Variants in CEMIP observed in about 807,000 individuals in gnomAD.
CEMIP encodes the protein cell migration-inducing and hyaluronan-binding protein.
Under a neutral mutation model 156.9 loss-of-function variants are expected in CEMIP, and 105 were observed. That is an observed-to-expected ratio of 0.67 (90% confidence interval 0.57 to 0.79). The LOEUF is 0.79. Ranked by LOEUF, CEMIP falls within the 30% of genes least tolerant of loss-of-function variation. The probability of loss-of-function intolerance (pLI) is 0.00; values close to 1 mark genes in which losing one functional copy is unlikely to be tolerated. For synonymous variants in CEMIP, 676 were observed against 668.4 expected, an observed-to-expected ratio of 1.01 and a Z score of -0.17; for missense variants, 1,457 against 1,769.4, an observed-to-expected ratio of 0.82 and a Z score of 3.17.
intron 1 of CEMIP, among the ~76,000 whole-genome samples, chr15:80,867,920 A>G (rs980306480): frequency 3.9e-5 from 6 of 152,158 alleles, no homozygotes; most frequent in African/African-American, 1.4e-4. Flanking sequence ...AGAGGAGGAC[A>G]GGGCTCTTAC....
At chr15:80,926,882 G>A (rs1263638297) in intron 19 of CEMIP, among the ~76,000 whole-genome samples, 2 of 148,992 alleles carry the variant, frequency 1.3e-5, no homozygotes, top group African/African-American at 2.5e-5. Context: ...CCAGGCTGGA[G>A]TGCAGTGGTG....
At chr15:80,834,462 C>A (rs1273034815) in intron 1 of CEMIP, among the ~76,000 whole-genome samples, 1 of 152,182 alleles carries the variant, frequency 6.6e-6, no homozygotes, top group East Asian at 1.9e-4. Flanking sequence ...TTTTGCATGG[C>A]CAAAAGTAGA....
At chr15:80,898,019 C>T (rs946628522) in intron 12 of CEMIP, among the ~76,000 whole-genome samples, 1 of 152,238 alleles carries the variant, frequency 6.6e-6, no homozygotes, top group African/African-American at 2.4e-5. Context: ...ATGTGAGCAG[C>T]AATGCTGGGA....
chr15:80,783,818 G>A (rs1055491997), intron 1 of CEMIP, among the ~76,000 whole-genome samples: 1 of 152,300 alleles, frequency 6.6e-6, no homozygotes, highest in East Asian at 1.9e-4. Flanking sequence ...TCTTCAGAAC[G>A]GAGGCTGCTT....
At chr15:80,810,104 G>T (rs1294274700) in intron 1 of CEMIP, among the ~76,000 whole-genome samples, 2 of 151,188 alleles carry the variant, frequency 1.3e-5, no homozygotes, top group Non-Finnish European at 2.9e-5. Context: ...GGGAATCTTG[G>T]TGGGGGGATC....
intron 29 of CEMIP, chr15:80,947,360 T>A: frequency 2.5e-6 from 1 of 400,788 alleles, no homozygotes; most frequent in South Asian, 2.5e-5. Flanking sequence ...TCAACAAAAG[T>A]ATCATAAGAA....
intron 18 of CEMIP, among the ~76,000 whole-genome samples, 185 bp downstream of exon 18, chr15:80,924,891 C>A (rs1900602612): frequency 6.6e-6 from 1 of 152,216 alleles, no homozygotes; most frequent in African/African-American, 2.4e-5. Context: ...AATTAGGATT[C>A]TGGCTCCAGC....
chr15:80,922,910 G>A (rs747123880), intron 17 of CEMIP, among the ~76,000 whole-genome samples: 12 of 152,168 alleles, frequency 7.9e-5, no homozygotes, highest in South Asian at 2.1e-4. Flanking sequence ...ATGCCAGGGC[G>A]GTGCGCAGAC....
chr15:80,908,774 G>C (rs1034238092), intron 13 of CEMIP, among the ~76,000 whole-genome samples: 1 of 152,132 alleles, frequency 6.6e-6, no homozygotes, highest in Non-Finnish European at 1.5e-5. Flanking sequence ...GTTATCCCTT[G>C]CTCATAACAC....
chr15:80,898,018 G>A (rs547886718), intron 12 of CEMIP, among the ~76,000 whole-genome samples: 53 of 152,368 alleles, frequency 3.5e-4, no homozygotes, highest in African/African-American at 1.2e-3. Flanking sequence ...AATGTGAGCA[G>A]CAATGCTGGG....
At chr15:80,948,735 C>T (rs1210877478) in intron 29 of CEMIP, 62 bp from the exon 30 acceptor site, 14 of 1,609,978 alleles carry the variant, frequency 8.7e-6, no homozygotes, top group South Asian at 1.1e-5. Flanking sequence ...AGCCATGGAA[C>T]GGGGTGGGGC....
chr15:80,811,849 A>G (rs1896679195), intron 1 of CEMIP, among the ~76,000 whole-genome samples: 1 of 152,068 alleles, frequency 6.6e-6, no homozygotes, highest in African/African-American at 2.4e-5. Flanking sequence ...GAGCTACCAC[A>G]CCCAGCCCAT....
Position 80,947,008 on chromosome 15 carries a change from G to A in CEMIP, c.3901G>A (p.Gly1301Ser), listed in dbSNP as rs775476896. The A allele has an allele frequency of 2.0e-5, 33 of 1,613,970 alleles. No homozygotes were observed. The highest frequency in any genetic ancestry group is 8.0e-5 in the African/African-American group (6 of 74,918). The change falls in exon 29 of 30, where the codon GGC becomes AGC. Residue 1301 changes from glycine to serine, a missense_variant. Gly to Ser is a moderately conservative substitution (Grantham distance 56). This residue lies in a region of CEMIP where 798 missense variants were observed against 980.1 expected (regional missense o/e 0.81). Coordinates refer to ENST00000394685, the MANE Select transcript of CEMIP (RefSeq NM_001293298.2). ...ATCAAAGGGAAGATACGTCTCCAGAGGCCCATGGACCAGAGTGCTGGAAAA... is the reference window on the plus strand; with the variant it reads ...ATCAAAGGGAAGATACGTCTCCAGAAGCCCATGGACCAGAGTGCTGGAAAA... ...MASKGRYVSR[G>S]PWTRVLEKLG...
intron 1 of CEMIP, among the ~76,000 whole-genome samples, chr15:80,860,683 C>T (rs1897962816): frequency 6.6e-6 from 1 of 152,190 alleles, no homozygotes; most frequent in Admixed American, 6.5e-5. Context: ...CTGCCTCAAG[C>T]ACTATGCATG....
chr15:80,926,480 CAAGTA>C (rs1212874741), intron 19 of CEMIP, among the ~76,000 whole-genome samples: 3 of 151,810 alleles, frequency 2.0e-5, no homozygotes, highest in Non-Finnish European at 4.4e-5. Context: ...TTATTGTGAC[CAAGTA>C]AAGGAGAAAT....
chr15:80,835,713 G>A (rs769965432), intron 1 of CEMIP, among the ~76,000 whole-genome samples: 2 of 152,176 alleles, frequency 1.3e-5, no homozygotes, highest in Admixed American at 6.5e-5. Flanking sequence ...AGGGTTGGTG[G>A]GCACCTGGGA....
At chr15:80,852,708 C>A (rs1357098069) in intron 1 of CEMIP, among the ~76,000 whole-genome samples, 2 of 152,118 alleles carry the variant, frequency 1.3e-5, no homozygotes, top group South Asian at 4.2e-4. Context: ...CTCCCTTTTC[C>A]TCTTTTATGC....
intron 1 of CEMIP, among the ~76,000 whole-genome samples, chr15:80,839,406 G>T (rs1053833202): frequency 1.1e-4 from 16 of 152,078 alleles, no homozygotes; most frequent in Middle Eastern, 3.4e-3. Flanking sequence ...TGTCCCAAGT[G>T]GGGGAGGGAG....
chr15:80,896,031 C>T lies in CEMIP; in HGVS notation c.1382C>T (p.Ser461Phe). Residue 461 changes from serine (S) to phenylalanine (F), a missense_variant, in exon 12 of 30, where the codon TCC becomes TTC. Physicochemically the swap from Ser to Phe is radical, Grantham distance 155. This residue lies in a region of CEMIP where 280 missense variants were observed against 300.3 expected (regional missense o/e 0.93). Coordinates refer to ENST00000394685, the MANE Select transcript of CEMIP (RefSeq NM_001293298.2). Reference sequence around the variant, plus strand: ...GAGTTCCAGGTGCTTCCCTGCAGATCCTGCGCCCCCAACCAGGTCAAAGTG... The same window carrying T: ...GAGTTCCAGGTGCTTCCCTGCAGATTCTGCGCCCCCAACCAGGTCAAAGTG... ...AEEFQVLPCR[S>F]CAPNQVKVAG... 1 of 1,614,120 alleles carries T rather than the reference C, an allele frequency of 6.2e-7. No individual in the cohort carries two copies. Among genetic ancestry groups the T allele is most frequent in the East Asian group, 2.2e-5 (1 of 44,882 alleles).
Sources: gnomAD v4.1 joint callset for allele counts (sites outside exome capture counted in the v4.1 genomes callset) on GRCh38, gnomAD v4.1.1 for gene constraint, gnomAD v4.1.1 regional missense constraint, MANE v1.5 for transcripts, NCBI Gene and HGNC (gene_info 2026-07-23, HGNC 2026-07-21) for gene names.